The following CACNA1A variants were observed in gnomAD, a reference collection of about 807,000 sequenced individuals.
CACNA1A encodes voltage-dependent P/Q-type calcium channel subunit alpha-1A.
A neutral mutation model predicts 262.4 loss-of-function variants in CACNA1A; 57 were observed. The observed-to-expected ratio is 0.22, with a 90% confidence interval of 0.18 to 0.27. The LOEUF (loss-of-function observed/expected upper bound fraction) is 0.27, where lower values mean the gene tolerates loss of function less well. Ranked by LOEUF, CACNA1A falls within the 10% of genes least tolerant of loss-of-function variation. The pLI is 1.00. For missense variants in CACNA1A, 2,526 were observed against 3,562.8 expected (o/e 0.71, Z 7.41); for synonymous variants, 1,431 against 1,419.3 (o/e 1.01, Z -0.18).
chr19:13,292,379 G>A (rs2057561244), intron 19 of CACNA1A, among the ~76,000 whole-genome samples: 1 of 152,144 alleles, frequency 6.6e-6, no homozygotes, highest in Non-Finnish European at 1.5e-5. Flanking sequence ...TTGGGAGGCT[G>A]AGGTGGGAGG....
chr19:13,485,530 T>G (rs529709048), intron 1 of CACNA1A, among the ~76,000 whole-genome samples: 97 of 152,306 alleles, frequency 6.4e-4, no homozygotes, highest in African/African-American at 2.2e-3. Flanking sequence ...TCAATATTTT[T>G]TTTTTAAAAG....
intron 6 of CACNA1A, among the ~76,000 whole-genome samples, chr19:13,352,940 T>C (rs1242589081): frequency 6.6e-6 from 1 of 151,674 alleles, no homozygotes; most frequent in Non-Finnish European, 1.5e-5. Flanking sequence ...GCCTGGCTAA[T>C]TTTTGTATTT....
chr19:13,335,904 G>A lies in CACNA1A; in HGVS notation c.984C>T (p.Asn328=), dbSNP rs772301380. The change falls in exon 7 of 47, where the codon AAC becomes AAT. Residue 328 remains asparagine (N), a synonymous_variant. Coordinates refer to ENST00000360228, the MANE Select transcript of CACNA1A (RefSeq NM_001127222.2). The stretch of plus-strand genomic sequence containing the variant: ...AGTTCCAAGTGTTCCCTGAGGCATC[G>A]TTGCTCTGTAGGGTGTGAGGAGGGA... The part of the protein sequence containing the change: ...EGWTDLLYNS[N]DASGNTWNWL... The A allele has an allele frequency of 2.2e-5, 35 of 1,595,566 alleles. No homozygotes were observed. In the East Asian group the frequency reaches 3.6e-4, roughly 16 times the overall value.
chr19:13,485,525 A>AT lies in CACNA1A; in HGVS notation c.293+20406dup, dbSNP rs201323899. Among the ~76,000 whole-genome samples, 889 of 151,002 alleles carry AT rather than the reference A, an allele frequency of 5.9e-3. 8 individuals carry two copies. The highest frequency in any genetic ancestry group is 0.02 in the African/African-American group (838 of 41,216). On this transcript the variant is annotated intron_variant, in intron 1 of 46. Transcript: ENST00000360228. ...ATGTAAGGATCACCCACAAATCAAT[A>AT]TTTTTTTTTTAAAAGTGACCTAATC...
At chr19:13,421,159 G>T (rs886898482) in intron 3 of CACNA1A, among the ~76,000 whole-genome samples, 3 of 152,166 alleles carry the variant, frequency 2.0e-5, no homozygotes, top group Non-Finnish European at 4.4e-5. Context: ...AGGGCAACAG[G>T]AGCCTGAATC....
At chr19:13,219,815 T>A (rs1229072484) in intron 38 of CACNA1A, among the ~76,000 whole-genome samples, 1 of 151,820 alleles carries the variant, frequency 6.6e-6, no homozygotes, top group Non-Finnish European at 1.5e-5. Context: ...TATCCGGGCG[T>A]GGTGGCACGC....
intron 1 of CACNA1A, among the ~76,000 whole-genome samples, chr19:13,477,702 T>C (rs12609735): frequency 0.2 from 30,354 of 152,124 alleles, 4,489 homozygotes; most frequent in African/African-American, 0.4. Flanking sequence ...TGATGCTGTA[T>C]CTGGTTCAGT....
At position 13,209,384 on chromosome 19, in the gene CACNA1A, G is replaced by GGTGCCGCTGGTT; in HGVS notation, c.6442_6453dup (p.Asn2148_His2151dup). On this transcript the variant is annotated inframe_insertion, in exon 45 of 47. Transcript: ENST00000360228. ...TGGCTGCGGTCGCGGCGCCGCTGGT[G>GGTGCCGCTGGTT]GTGCCGCTGGTTCTCCTCGGGCGGG... is the stretch of plus-strand genomic sequence containing the variant. 3.6e-6 allele frequency: 5 copies of GGTGCCGCTGGTT among 1,400,778 alleles called. No individual in the cohort carries two copies. The highest frequency in any genetic ancestry group is 1.7e-5 in the South Asian group (1 of 58,786). The allele number at this position is 1,400,778 out of a possible 1,614,324, so 86.8% of individuals were successfully genotyped here.
intron 24 of CACNA1A, among the ~76,000 whole-genome samples, chr19:13,266,584 A>AT (rs2056869224): frequency 6.8e-6 from 1 of 147,808 alleles, no homozygotes; most frequent in African/African-American, 2.5e-5. Context: ...TATTTTATAT[A>AT]TTTTTTTGAG....
intron 46 of CACNA1A, among the ~76,000 whole-genome samples, chr19:13,208,289 G>T (rs1219634932): frequency 1.3e-5 from 2 of 150,756 alleles, no homozygotes; most frequent in Non-Finnish European, 3.0e-5. Flanking sequence ...GGGAGGGGAG[G>T]AGTCGAAAAC....
intron 31 of CACNA1A, among the ~76,000 whole-genome samples, chr19:13,238,451 G>C (rs1292544406): frequency 1.3e-5 from 2 of 152,164 alleles, no homozygotes; most frequent in African/African-American, 2.4e-5. Context: ...GTAGACCTCA[G>C]CTCCAAGCTG....
chr19:13,505,797 CT>C, intron 1 of CACNA1A, 134 bp downstream of exon 1: 1 of 870,972 alleles, frequency 1.1e-6, no homozygotes. Flanking sequence ...CCGGTGCCCC[CT>C]CTCCCAGCCC....
chr19:13,488,680 G>A (rs1037208316), intron 1 of CACNA1A, among the ~76,000 whole-genome samples: 5 of 151,962 alleles, frequency 3.3e-5, no homozygotes, highest in Admixed American at 1.3e-4. Context: ...GATTACACAC[G>A]TGAGCCACCG....
At chr19:13,464,318 G>T (rs552161938) in intron 1 of CACNA1A, among the ~76,000 whole-genome samples, 5 of 152,152 alleles carry the variant, frequency 3.3e-5, no homozygotes, top group Non-Finnish European at 7.3e-5. Flanking sequence ...AAGATTGCTT[G>T]AACCTGGGAA....
chr19:13,304,474 T>A (rs924629), intron 15 of CACNA1A, among the ~76,000 whole-genome samples: 88,349 of 151,302 alleles, frequency 0.58, 26,567 homozygotes, highest in East Asian at 0.96. Flanking sequence ...ACAAAAAATT[T>A]AAAAAAATTA....
intron 19 of CACNA1A, among the ~76,000 whole-genome samples, chr19:13,292,019 G>A (rs957046595): frequency 6.6e-6 from 1 of 152,160 alleles, no homozygotes; most frequent in Non-Finnish European, 1.5e-5. Context: ...AGTGGAGCAG[G>A]TCTTGGCAAA....
chr19:13,296,399 C>T (rs1394935173), intron 19 of CACNA1A, among the ~76,000 whole-genome samples: 5 of 152,040 alleles, frequency 3.3e-5, no homozygotes, highest in East Asian at 1.9e-4. Flanking sequence ...ACAATGTCTA[C>T]GATGTCTATT....
Position 13,214,187 on chromosome 19 carries a change from G to C in CACNA1A, c.5940+46C>G. 1 of 1,480,768 alleles carries C rather than the reference G, an allele frequency of 6.8e-7. No homozygotes were observed. The highest frequency in any genetic ancestry group is 1.2e-5 in the South Asian group (1 of 85,554). 91.7% of individuals were successfully genotyped at this position (1,480,768 alleles called of 1,614,324 possible). ...AGTTGGTTCCCGTGGTGACATGCAA[G>C]CCACTGTCCCCAGCCCAGATGTCCC... On this transcript the variant is annotated intron_variant, in intron 40 of 46. Coordinates refer to ENST00000360228, the MANE Select transcript of CACNA1A (RefSeq NM_001127222.2). This position sits in a 1 kb window ranked among gnomAD's most constrained non-coding sequence, Gnocchi z 4.1.
chr19:13,297,931 A>G (rs2057699072), intron 19 of CACNA1A, among the ~76,000 whole-genome samples: 1 of 151,766 alleles, frequency 6.6e-6, no homozygotes, highest in Non-Finnish European at 1.5e-5. Flanking sequence ...CCCAGGTTCA[A>G]CTGATTCTCC....
Sources: allele counts gnomAD v4.1 joint callset (sites outside exome capture counted in the v4.1 genomes callset), GRCh38; gene constraint gnomAD v4.1.1; non-coding constraint Gnocchi (gnomAD v3.1); transcripts MANE v1.5; gene names NCBI Gene and HGNC (gene_info 2026-07-23, HGNC 2026-07-21).